Variants in SPTBN5 observed in about 807,000 individuals in gnomAD.
SPTBN5 encodes spectrin beta chain, non-erythrocytic 5.
SPTBN5 carries 513 observed loss-of-function variants against 477.6 expected under a neutral mutation model. That is an observed-to-expected ratio of 1.07 (90% CI 1.00 to 1.16). SPTBN5 has a LOEUF of 1.16. Among genes scored for constraint, SPTBN5 ranks in the 50% most tolerant of loss-of-function variants. SPTBN5 has a pLI of 0.00. For synonymous variants in SPTBN5, 2,169 were observed against 2,011.7 expected (o/e 1.08, Z -2.09); for missense variants, 5,062 against 4,731.8 (o/e 1.07, Z -2.05).
In SPTBN5 at chr15:41,866,164, G is replaced by A; in HGVS notation, c.6696C>T (p.Gly2232=). The change falls in exon 38 of 68, where the codon GGC becomes GGT. Residue 2232 remains glycine, a synonymous_variant. Transcript: ENST00000320955. ...TCAGGTCCTCCCAGTGCTTCCGCAG[G>A]CCCTGCAGCCGCTGGGAGACCTCTC... ...RAGEVSQRLQ[G]LRKHWEDLRQ... 1 of 1,567,360 alleles carries A rather than the reference G, an allele frequency of 6.4e-7. No homozygotes were observed. Among genetic ancestry groups the A allele is most frequent in the Non-Finnish European group, 8.6e-7 (1 of 1,157,550 alleles).
In SPTBN5 at chr15:41,849,850, C is replaced by CCCCA; in HGVS notation, c.11012+15_11012+18dup. ...AGCCCAGGGCTCCCCGCCCTGCTTCCCCCACCCAGGTGTCCCACCTGAGTA... is the reference window on the plus strand; with the variant it reads ...AGCCCAGGGCTCCCCGCCCTGCTTCCCCCACCCACCCAGGTGTCCCACCTGAGTA... On this transcript the variant is annotated intron_variant, in intron 67 of 67. Transcript: ENST00000320955. The CCCCA allele has an allele frequency of 1.3e-6, 2 of 1,554,658 alleles. No homozygotes were observed. Among genetic ancestry groups the CCCCA allele is most frequent in the Non-Finnish European group, 1.7e-6 (2 of 1,147,854 alleles).
At chr15:41,884,616 C>T (rs2067088301) in intron 7 of SPTBN5, among the ~76,000 whole-genome samples, 1 of 152,166 alleles carries the variant, frequency 6.6e-6, no homozygotes, top group Non-Finnish European at 1.5e-5. Context: ...ACATGACATC[C>T]AGGTGAGCAT....
In SPTBN5 at chr15:41,862,828, GCTC is replaced by G. The variant is rs1163900588; in HGVS notation, c.7222_7224del (p.Glu2408del). On this transcript the variant is annotated inframe_deletion, in exon 42 of 68. Transcript: ENST00000320955. ...TGGATGGGGTGCACTTCCCGCTCCAGCTCCTCGTGTTTCCGCAGCAGCCTCTGC... is the reference window on the plus strand; with the variant it reads ...TGGATGGGGTGCACTTCCCGCTCCAGCTCGTGTTTCCGCAGCAGCCTCTGC... The G allele has an allele frequency of 1.9e-6, 3 of 1,587,134 alleles. No homozygotes were observed.
chr15:41,870,254 T>G lies in SPTBN5; in HGVS notation c.5662A>C (p.Thr1888Pro), dbSNP rs754594428. ...HQGLERELVG[T>P]ERQLQELLET... ...CCAGCTGGGCTCACCTGCCGCTCGG[T>G]GCCCACGAGTTCTCGCTCCAGCCCC... The change falls in exon 31 of 68, where the codon ACC becomes CCC. Residue 1888 changes from threonine to proline, a missense_variant. By Grantham distance (38) the Thr-to-Pro change is conservative. Coordinates refer to ENST00000320955, the MANE Select transcript of SPTBN5 (RefSeq NM_016642.4). 18 of 1,550,092 alleles carry G rather than the reference T, an allele frequency of 1.2e-5. No homozygotes were observed. Among genetic ancestry groups the G allele is most frequent in the Middle Eastern group, 3.4e-4 (2 of 5,892 alleles).
chr15:41,850,330 C>T, intron 66 of SPTBN5: 1 of 282,210 alleles, frequency 3.5e-6, no homozygotes, highest in Non-Finnish European at 6.9e-6. Flanking sequence ...TCCCTGAACA[C>T]ACGGTCCACA....
At chr15:41,867,969 GA>G in intron 34 of SPTBN5, 99 bp downstream of exon 34, 1 of 1,427,654 alleles carries the variant, frequency 7.0e-7, no homozygotes, top group Non-Finnish European at 9.2e-7. Context: ...TCATATTAGA[GA>G]AAAAGCCAGA....
At position 41,856,925 on chromosome 15, in the gene SPTBN5, C is replaced by T. The variant is rs771922264; in HGVS notation, c.8736G>A (p.Lys2912=). The T allele has an allele frequency of 3.2e-6, 5 of 1,563,570 alleles. No homozygotes were observed. In the South Asian group the frequency reaches 4.7e-5, roughly 15 times the overall value. ...ADEEMAWVQE[K]LPLAAAQDYG... ...AGTCCTGGGCAGCGGCCAGAGGCAG[C>T]TTCTCCTGCACCCAGGCCATTTCCT... The change falls in exon 52 of 68, where the codon AAG becomes AAA. Residue 2912 remains lysine, a synonymous_variant. Transcript: ENST00000320955.
rs1434696514 is a variant in SPTBN5 at position 41,851,949 on chromosome 15, C to T, written c.10585-99G>A. ...CCCAGCTCTCTTTATTCCTCCCATC[C>T]AAGTACTAACCAGGCCTGACCCTGC... On this transcript the variant is annotated intron_variant, in intron 62 of 67. Coordinates refer to ENST00000320955, the MANE Select transcript of SPTBN5 (RefSeq NM_016642.4). 15 of 1,052,770 alleles carry T rather than the reference C, an allele frequency of 1.4e-5. 1 individual carries two copies. Among genetic ancestry groups the T allele is most frequent in the South Asian group, 1.2e-4 (8 of 67,964 alleles). The allele number at this position is 1,052,770 out of a possible 1,614,324, so 65.2% of individuals were successfully genotyped here.
At chr15:41,875,921 T>C (rs1271723631) in intron 21 of SPTBN5, among the ~76,000 whole-genome samples, 193 bp downstream of exon 21, 1 of 152,162 alleles carries the variant, frequency 6.6e-6, no homozygotes, top group African/African-American at 2.4e-5. Context: ...AAGGGATGGA[T>C]GGCAGCAGCT....
rs1483706421 is a variant in SPTBN5 at position 41,870,236 on chromosome 15, G to T, written c.5673+7C>A. The T allele has an allele frequency of 3.9e-6, 6 of 1,546,980 alleles. No individual in the cohort carries two copies. The highest frequency in any genetic ancestry group is 5.2e-6 in the Non-Finnish European group (6 of 1,145,930). ...CCTGGGTCGGAGAGGCAGCCAGCTG[G>T]GCTCACCTGCCGCTCGGTGCCCACG... is the stretch of plus-strand genomic sequence containing the variant. On this transcript the variant is annotated splice_region_variant and intron_variant, in intron 31 of 67. Transcript: ENST00000320955.
intron 58 of SPTBN5, 25 bp downstream of exon 58, chr15:41,853,557 C>T (rs1333019454): frequency 6.4e-7 from 1 of 1,554,290 alleles, no homozygotes; most frequent in Non-Finnish European, 8.7e-7. Flanking sequence ...TAGAGCTGAG[C>T]CGGCAGCTGA....
rs117366148 is a variant in SPTBN5, at chr15:41,852,282, A to C, written c.10484T>G (p.Leu3495Arg). Reference protein sequence around the residue: ...EQELLLQPQELKPGRAGSSLT... With the variant: ...EQELLLQPQERKPGRAGSSLT... ...CGAGCTGCCAGCTCTCCCGGGCTTCAGCTCCTGTGGCTGCAGCAGGAGCTC... is the reference window on the plus strand; with the variant it reads ...CGAGCTGCCAGCTCTCCCGGGCTTCCGCTCCTGTGGCTGCAGCAGGAGCTC... Residue 3495 changes from leucine (L) to arginine (R), a missense_variant, in exon 62 of 68, where the codon CTG becomes CGG. Physicochemically the swap from Leu to Arg is moderately radical, Grantham distance 102. Coordinates refer to ENST00000320955, the MANE Select transcript of SPTBN5 (RefSeq NM_016642.4). 0.012 allele frequency: 19,056 copies of C among 1,601,518 alleles called. 135 individuals are homozygous for C. Among genetic ancestry groups the C allele is most frequent in the Non-Finnish European group, 0.014 (16,531 of 1,173,958 alleles).
rs370040094 is a variant in SPTBN5 at position 41,866,354 on chromosome 15, G to A, written c.6620C>T (p.Ser2207Phe). Residue 2207 changes from serine to phenylalanine, a missense_variant, in exon 37 of 68, where the codon TCT (serine) becomes TTT (phenylalanine). Physicochemically the swap from Ser to Phe is radical, Grantham distance 155 (BLOSUM62 -2). Transcript: ENST00000320955. Reference protein sequence around the residue: ...EVQAHEEVMTSVAKKGEALLA... With the variant: ...EVQAHEEVMTFVAKKGEALLA... The stretch of plus-strand genomic sequence containing the variant: ...GGGCCCGGTTGTTACCTTGGCAACA[G>A]AGGTCATGACCTCCTCATGGGCCTG... 6.3e-7 allele frequency: 1 copy of A among 1,597,090 alleles called. No homozygotes were observed.
At position 41,858,749 on chromosome 15, in the gene SPTBN5, C is replaced by A. The variant is rs774839427; in HGVS notation, c.8080-1G>T. The A allele has an allele frequency of 6.2e-7, 1 of 1,609,060 alleles. No individual in the cohort carries two copies. The highest frequency in any genetic ancestry group is 1.1e-5 in the South Asian group (1 of 89,956). ...TCTTCTCCCTCAGCCACGCAGCCAC[C>A]TGGGCACATGGGGAGGACAGGCCTG... On this transcript the variant is annotated splice_acceptor_variant, in intron 48 of 67. Transcript: ENST00000320955. LOFTEE classifies it high-confidence loss of function.
Position 41,873,043 on chromosome 15 carries a change from G to T in SPTBN5, c.5007+449C>A, listed in dbSNP as rs374837102. Among the ~76,000 whole-genome samples, 3 of 152,290 alleles carry T rather than the reference G, an allele frequency of 2.0e-5. No individual in the cohort carries two copies. The South Asian group carries it at 6.2e-4, about 32-fold the overall frequency. On this transcript the variant is annotated intron_variant, in intron 26 of 67. Transcript: ENST00000320955. ...TCAGGAGTGAGGAAGGGGACTTCGAGACCTCCCTCCCTTCAGCCAGGGGAT... is the reference window on the plus strand; with the variant it reads ...TCAGGAGTGAGGAAGGGGACTTCGATACCTCCCTCCCTTCAGCCAGGGGAT...
At position 41,876,560 on chromosome 15, in the gene SPTBN5, G is replaced by A. The variant is rs781237997; in HGVS notation, c.3939C>T (p.Ser1313=). 4.6e-5 allele frequency: 74 copies of A among 1,599,698 alleles called. No homozygotes were observed. The East Asian group carries it at 5.0e-4, about 11-fold the overall frequency. The change falls in exon 20 of 68, where the codon TCC becomes TCT. Residue 1313 remains serine (S), a synonymous_variant. Coordinates refer to ENST00000320955, the MANE Select transcript of SPTBN5 (RefSeq NM_016642.4). ...CCCAGACCCTCACCTGGAGCTGGAGGGAAGCCAGCAACTGCCTCCTCCTCT... is the reference window on the plus strand; with the variant it reads ...CCCAGACCCTCACCTGGAGCTGGAGAGAAGCCAGCAACTGCCTCCTCCTCT... ...SEQRRRQLLA[S]LQLQEWKQDV...
Position 41,874,466 on chromosome 15 carries a change from C to A in SPTBN5, c.4515G>T (p.Leu1505=), listed in dbSNP as rs1487772614. ...GGCCCCGGATGGCCAGATGCCCCTG[C>A]AGAAGCTCCAGCCTAGGAGGAGGAG... The part of the protein sequence containing the change: ...TQKHLRRLEL[L]QGHLAIRGLQ... Residue 1505 remains leucine (L), a synonymous_variant, in exon 24 of 68, where the codon CTG becomes CTT. Transcript: ENST00000320955. 3 of 1,608,284 alleles carry A rather than the reference C, an allele frequency of 1.9e-6. No homozygotes were observed. The highest frequency in any genetic ancestry group is 2.5e-6 in the Non-Finnish European group (3 of 1,177,960).
At chr15:41,874,126 C>T in intron 24 of SPTBN5, 81 bp from the exon 25 acceptor site, 1 of 1,517,048 alleles carries the variant, frequency 6.6e-7, no homozygotes, top group Non-Finnish European at 8.9e-7. Flanking sequence ...CTCCAGGCCC[C>T]AATCATGGCA....
intron 39 of SPTBN5, among the ~76,000 whole-genome samples, chr15:41,864,751 T>C (rs1190716217): frequency 6.6e-6 from 1 of 152,230 alleles, no homozygotes; most frequent in Non-Finnish European, 1.5e-5. Context: ...AGGCTGGTGC[T>C]GCTTGGACAC....
Sources: allele counts gnomAD v4.1 joint callset (sites outside exome capture counted in the v4.1 genomes callset), GRCh38; gene constraint gnomAD v4.1.1; transcripts MANE v1.5; gene names NCBI Gene and HGNC (gene_info 2026-07-23, HGNC 2026-07-21).